The following PRDM16 variants were observed in gnomAD, a reference collection of about 807,000 sequenced individuals.
PRDM16 encodes PR/SET domain 16.
PRDM16 carries 23 observed loss-of-function variants against 110.6 expected under a neutral mutation model. The observed-to-expected ratio is 0.21, with a 90% CI of 0.15 to 0.29. PRDM16 has a LOEUF of 0.29. Ranked by LOEUF, PRDM16 falls within the 10% of genes least tolerant of loss-of-function variation. The pLI, the probability that PRDM16 is intolerant of heterozygous loss-of-function variation, is 1.00. For synonymous variants in PRDM16, 799 were observed against 781.8 expected (o/e 1.02, Z -0.37); for missense variants, 1,615 against 1,794.3 (o/e 0.90, Z 1.81).
At chr1:3,263,420 T>G (rs919710155) in intron 3 of PRDM16, among the ~76,000 whole-genome samples, 1 of 152,216 alleles carries the variant, frequency 6.6e-6, no homozygotes, top group Non-Finnish European at 1.5e-5. Flanking sequence ...GACCACCTGT[T>G]GGTGGTGGGA....
At chr1:3,319,126 G>A (rs184221648) in intron 3 of PRDM16, among the ~76,000 whole-genome samples, 40 of 152,294 alleles carry the variant, frequency 2.6e-4, no homozygotes, top group Admixed American at 5.9e-4. Flanking sequence ...TTCAGAGGTC[G>A]TCTGGCATGA....
chr1:3,107,151 C>A (rs1642677478), intron 1 of PRDM16, among the ~76,000 whole-genome samples: 1 of 152,212 alleles, frequency 6.6e-6, no homozygotes, highest in Non-Finnish European at 1.5e-5. Context: ...AGCCGAGGGC[C>A]CAGGAAGCAG....
intron 3 of PRDM16, among the ~76,000 whole-genome samples, chr1:3,354,066 G>A (rs569959547): frequency 3.9e-5 from 6 of 152,178 alleles, no homozygotes; most frequent in African/African-American, 7.2e-5. Flanking sequence ...CTTGTCTCCC[G>A]TGAATTCCAG....
chr1:3,117,830 G>A (rs1642994602), intron 1 of PRDM16, among the ~76,000 whole-genome samples: 1 of 152,134 alleles, frequency 6.6e-6, no homozygotes. Context: ...CTTGGGGAGA[G>A]GCCTCCGCAC....
At chr1:3,191,644 C>T (rs1390101727) in intron 2 of PRDM16, among the ~76,000 whole-genome samples, 3 of 152,190 alleles carry the variant, frequency 2.0e-5, no homozygotes, top group African/African-American at 7.2e-5. Context: ...GGCCTGTCCC[C>T]CTACATGTGT....
chr1:3,372,193 G>T (rs1415215528), intron 3 of PRDM16, among the ~76,000 whole-genome samples: 1 of 152,238 alleles, frequency 6.6e-6, no homozygotes. Flanking sequence ...GGACCCCAGG[G>T]GTCCTTGGTA....
intron 3 of PRDM16, among the ~76,000 whole-genome samples, chr1:3,297,410 A>T: frequency 6.6e-6 from 1 of 150,588 alleles, no homozygotes; most frequent in Non-Finnish European, 1.5e-5. Context: ...TAGCCTCCTG[A>T]GTAGCTGGGA....
At chr1:3,168,808 C>T (rs1643991823) in intron 1 of PRDM16, among the ~76,000 whole-genome samples, 1 of 152,176 alleles carries the variant, frequency 6.6e-6, no homozygotes, top group African/African-American at 2.4e-5. Context: ...AACATCATTT[C>T]CTGGAATGCT....
chr1:3,293,007 G>A (rs72849024), intron 3 of PRDM16, among the ~76,000 whole-genome samples: 3 of 152,346 alleles, frequency 2.0e-5, no homozygotes, highest in Admixed American at 6.5e-5. Flanking sequence ...GCCTCAGTTC[G>A]GCTGTCTTTC....
intron 1 of PRDM16, among the ~76,000 whole-genome samples, chr1:3,145,769 C>G (rs112309464): frequency 0.015 from 2,322 of 152,212 alleles, 61 homozygotes; most frequent in African/African-American, 0.052. Context: ...GTCATTCCTG[C>G]CCACCGAGGC....
chr1:3,324,052 G>A (rs1029230150), intron 3 of PRDM16, among the ~76,000 whole-genome samples: 1 of 152,174 alleles, frequency 6.6e-6, no homozygotes, highest in African/African-American at 2.4e-5. Flanking sequence ...GTTGGGAGGA[G>A]GATCTACCAG....
At chr1:3,089,893 G>A (rs573549474) in intron 1 of PRDM16, among the ~76,000 whole-genome samples, 48 of 150,852 alleles carry the variant, frequency 3.2e-4, no homozygotes, top group Admixed American at 5.3e-4. Context: ...CAGAACCACT[G>A]TGACCCAGCG....
At chr1:3,267,293 C>T (rs2100271810) in intron 3 of PRDM16, among the ~76,000 whole-genome samples, 2 of 152,300 alleles carry the variant, frequency 1.3e-5, no homozygotes, top group South Asian at 4.1e-4. Flanking sequence ...CTAAAATGTT[C>T]ACTGAACATA....
At position 3,402,797 on chromosome 1, in the gene PRDM16, C is replaced by T. The variant is rs2100642230; in HGVS notation, c.683C>T (p.Pro228Leu). The change falls in exon 6 of 17, where the codon CCC becomes CTC. Residue 228 changes from proline (P) to leucine (L), a missense_variant. By Grantham distance (98) the Pro-to-Leu change is moderately conservative. Around this residue, in one of 5 missense-constraint regions of PRDM16, gnomAD observed 416 missense variants for 467.1 expected, o/e 0.89. Transcript: ENST00000270722. ...GTVPPGLDEE[P>L]TFRCDECDEL... ...CTCGTTCTCTCTCTTGCAGAGGAGC[C>T]CACGTTCCGCTGTGACGAGTGTGAC... The T allele has an allele frequency of 6.2e-7, 1 of 1,610,698 alleles. No homozygotes were observed. Among genetic ancestry groups the T allele is most frequent in the Non-Finnish European group, 8.5e-7 (1 of 1,177,980 alleles).
intron 3 of PRDM16, among the ~76,000 whole-genome samples, chr1:3,327,483 G>A (rs1486946006): frequency 6.6e-6 from 1 of 152,134 alleles, no homozygotes. Flanking sequence ...CCCACGGTCA[G>A]GACCAACAAC....
At chr1:3,251,610 C>T (rs11589327) in intron 3 of PRDM16, among the ~76,000 whole-genome samples, 7,834 of 152,068 alleles carry the variant, frequency 0.052, 272 homozygotes, top group Admixed American at 0.077. Flanking sequence ...ACCGAACCGA[C>T]GCCACAGGGT....
At chr1:3,410,780 C>T (rs1643671685) in intron 8 of PRDM16, among the ~76,000 whole-genome samples, 1 of 152,186 alleles carries the variant, frequency 6.6e-6, no homozygotes, top group African/African-American at 2.4e-5. Flanking sequence ...GGGCCCTGAG[C>T]CAGCTTGCCC....
Position 3,255,860 on chromosome 1 carries a change from G to A in PRDM16, c.438+11723G>A, listed in dbSNP as rs1030047692. On this transcript the variant is annotated intron_variant, in intron 3 of 16. Transcript: ENST00000270722. The surrounding 1 kb of genome is among the most constrained non-coding windows in gnomAD (Gnocchi z 4.7). ...CAATCCCGTGGCCGCACCGACACCCGAAGCCAACCCCGTGGCCGCACTGAC... is the reference window on the plus strand; with the variant it reads ...CAATCCCGTGGCCGCACCGACACCCAAAGCCAACCCCGTGGCCGCACTGAC... 5.4e-5 allele frequency among the ~76,000 whole-genome samples: 8 copies of A among 147,274 alleles called. No individual in the cohort carries two copies. The highest frequency in any genetic ancestry group is 2.0e-4 in the Admixed American group (3 of 14,914).
intron 4 of PRDM16, among the ~76,000 whole-genome samples, chr1:3,393,551 C>T (rs1176291666): frequency 6.6e-6 from 1 of 152,204 alleles, no homozygotes; most frequent in African/African-American, 2.4e-5. Flanking sequence ...CAATTTGTGA[C>T]GCTCTCGAGC....
Sources: allele counts gnomAD v4.1 joint callset (sites outside exome capture counted in the v4.1 genomes callset), GRCh38; gene constraint gnomAD v4.1.1; regional missense constraint gnomAD v4.1.1; non-coding constraint Gnocchi (gnomAD v3.1); transcripts MANE v1.5; gene names NCBI Gene and HGNC (gene_info 2026-07-23, HGNC 2026-07-21).